Variants in PCDHA10 observed in about 807,000 individuals in gnomAD.
PCDHA10 encodes the protein protocadherin alpha 10.
Under a neutral mutation model 61.2 loss-of-function variants are expected in PCDHA10, and 45 were observed. The ratio of observed to expected loss-of-function variants is 0.74; its 90% confidence interval spans 0.58 to 0.94. The LOEUF (loss-of-function observed/expected upper bound fraction) is 0.94. PCDHA10 is among the 40% of genes least tolerant of loss of function. The probability of loss-of-function intolerance (pLI) is 0.00; values close to 1 mark genes in which losing one functional copy is unlikely to be tolerated. For missense variants in PCDHA10, 1,278 were observed against 1,236.2 expected, an observed-to-expected ratio of 1.03 and a Z score of -0.51; for synonymous variants, 602 against 548.8, an observed-to-expected ratio of 1.10 and a Z score of -1.35.
Position 140,857,156 on chromosome 5 carries a change from C to T in PCDHA10, c.1108C>T (p.Leu370=), listed in dbSNP as rs782492965. The T allele has an allele frequency of 4.4e-5, 71 of 1,598,308 alleles. 2 individuals carry two copies. In the South Asian group the frequency reaches 7.7e-4, roughly 17 times the overall value. The change falls in exon 1 of 4, where the codon CTA becomes TTA. Residue 370 remains leucine, a synonymous_variant. Transcript: ENST00000307360. ...TGCTCAAGTGGGCACCGTCATTGCC[C>T]TAATCAGCGTTTCTGACCATGATTC... ...EDAQVGTVIA[L]ISVSDHDSGA...
At chr5:140,873,283 A>G (rs1554166657) in intron 1 of PCDHA10, among the ~76,000 whole-genome samples, 1 of 152,258 alleles carries the variant, frequency 6.6e-6, no homozygotes, top group Non-Finnish European at 1.5e-5. Flanking sequence ...CATACCACTT[A>G]TGAAACTTTA....
chr5:140,905,368 T>G (rs536118800), intron 1 of PCDHA10, among the ~76,000 whole-genome samples: 47 of 152,336 alleles, frequency 3.1e-4, no homozygotes, highest in Non-Finnish European at 4.6e-4. Flanking sequence ...TATTTCTGGT[T>G]CTCTGTTCTG....
chr5:140,912,532 G>T (rs1554195398), intron 1 of PCDHA10, among the ~76,000 whole-genome samples: 1 of 152,092 alleles, frequency 6.6e-6, no homozygotes, highest in African/African-American at 2.4e-5. Flanking sequence ...CAGAGTACAT[G>T]ATCATATTGT....
chr5:140,875,668 G>A lies in PCDHA10; in HGVS notation c.2388+17232G>A, dbSNP rs1554167843. On this transcript the variant is annotated intron_variant, in intron 1 of 3. Transcript: ENST00000307360. ...GGAGCTGGTGCCGCGCCTGTTCCGG[G>A]TGGCGTCCAAAAGACACGGGGACCT... 4.3e-6 allele frequency: 7 copies of A among 1,613,726 alleles called. No homozygotes were observed. The highest frequency in any genetic ancestry group is 3.3e-5 in the South Asian group (3 of 91,074).
At chr5:140,997,476 A>G (rs782742177) in intron 3 of PCDHA10, among the ~76,000 whole-genome samples, 1 of 152,196 alleles carries the variant, frequency 6.6e-6, no homozygotes, top group Admixed American at 6.5e-5. Flanking sequence ...TTTTTACACA[A>G]TGATAAGTAT....
intron 1 of PCDHA10, among the ~76,000 whole-genome samples, chr5:140,918,414 T>G (rs2078683449): frequency 6.6e-6 from 1 of 152,198 alleles, no homozygotes; most frequent in African/African-American, 2.4e-5. Context: ...TGGCCAGGAC[T>G]TCCAGTAGGA....
intron 1 of PCDHA10, among the ~76,000 whole-genome samples, chr5:140,977,307 G>A (rs1023836424): frequency 6.6e-6 from 1 of 152,304 alleles, no homozygotes; most frequent in Non-Finnish European, 1.5e-5. Context: ...ACAAGCTAAC[G>A]ATAGTGCTCC....
In PCDHA10 at chr5:140,927,251, A is replaced by G. The variant is rs782356440; in HGVS notation, c.2389-51698A>G. The G allele has an allele frequency of 7.4e-6, 12 of 1,613,434 alleles. No homozygotes were observed. The Admixed American group carries it at 1.2e-4, about 16-fold the overall frequency. On this transcript the variant is annotated intron_variant, in intron 1 of 3. Transcript: ENST00000307360. The stretch of plus-strand genomic sequence containing the variant: ...ATTCACGTCCTGGACACCAATGACA[A>G]CTCACCTCTCTTTCCTGCCGGCGAC...
chr5:140,883,997 G>A, intron 1 of PCDHA10: 1 of 1,613,014 alleles, frequency 6.2e-7, no homozygotes, highest in Non-Finnish European at 8.5e-7. Context: ...GGGAGGCACA[G>A]TGAGCGAGCT....
intron 1 of PCDHA10, among the ~76,000 whole-genome samples, chr5:140,941,246 T>C (rs1332165821): frequency 7.1e-6 from 1 of 141,078 alleles, no homozygotes; most frequent in East Asian, 2.0e-4. Flanking sequence ...TTTCTTTCTT[T>C]CTTTCTTTCT....
chr5:140,912,145 C>T (rs561351882), intron 1 of PCDHA10, among the ~76,000 whole-genome samples: 1 of 152,302 alleles, frequency 6.6e-6, no homozygotes, highest in African/African-American at 2.4e-5. Flanking sequence ...CCATGTTCTT[C>T]TGCCTGTTTT....
chr5:140,867,131 T>A (rs769857763), intron 1 of PCDHA10: 12 of 152,188 alleles, frequency 7.9e-5, no homozygotes, highest in African/African-American at 2.9e-4. Context: ...TTCAAATATG[T>A]GATATTATCA....
intron 1 of PCDHA10, among the ~76,000 whole-genome samples, chr5:140,947,079 C>T (rs2094082344): frequency 6.6e-6 from 1 of 151,398 alleles, no homozygotes; most frequent in Non-Finnish European, 1.5e-5. Context: ...TGTATTGAAA[C>T]ATCAGACTGT....
At chr5:140,968,288 C>T (rs782056996) in intron 1 of PCDHA10, 16 of 1,613,976 alleles carry the variant, frequency 9.9e-6, no homozygotes, top group Middle Eastern at 1.6e-4. Context: ...GACCTACTCC[C>T]TTCTGGAGAG....
intron 1 of PCDHA10, among the ~76,000 whole-genome samples, chr5:140,911,947 G>A (rs559007219): frequency 1.4e-4 from 22 of 152,262 alleles, no homozygotes; most frequent in Non-Finnish European, 2.5e-4. Context: ...TATATATAAA[G>A]GGGAGGTTAC....
At chr5:140,905,842 T>C (rs2072141061) in intron 1 of PCDHA10, among the ~76,000 whole-genome samples, 1 of 152,148 alleles carries the variant, frequency 6.6e-6, no homozygotes, top group Non-Finnish European at 1.5e-5. Flanking sequence ...GGGGAGTTTA[T>C]TAAGGAGTAT....
At chr5:140,866,405 A>G (rs2049336607) in intron 1 of PCDHA10, 1 of 152,116 alleles carries the variant, frequency 6.6e-6, no homozygotes, top group Admixed American at 6.6e-5. Context: ...TCCCATGAAA[A>G]TCTTCAAATG....
chr5:140,967,079 A>G (rs2096093467), intron 1 of PCDHA10: 10 of 1,613,252 alleles, frequency 6.2e-6, no homozygotes, highest in Non-Finnish European at 8.5e-6. Flanking sequence ...CAACGAGCGC[A>G]TTGATCGGGA....
At chr5:140,882,675 G>A in intron 1 of PCDHA10, 1 of 1,614,218 alleles carries the variant, frequency 6.2e-7, no homozygotes, top group Non-Finnish European at 8.5e-7. Context: ...TTCCCTGAAA[G>A]CAAGAAACGA....
Sources: gnomAD v4.1 joint callset for allele counts (sites outside exome capture counted in the v4.1 genomes callset) on GRCh38, gnomAD v4.1.1 for gene constraint, MANE v1.5 for transcripts, NCBI Gene and HGNC (gene_info 2026-07-23, HGNC 2026-07-21) for gene names.